Variants in MAST4 observed in about 807,000 individuals in gnomAD.
MAST4 encodes the protein microtubule associated serine/threonine kinase family member 4, also known as microtubule-associated serine/threonine-protein kinase 4.
Under a neutral mutation model 162.7 loss-of-function variants are expected in MAST4, and 89 were observed. The observed-to-expected ratio is 0.55, with a 90% CI of 0.46 to 0.65. The LOEUF (loss-of-function observed/expected upper bound fraction) is 0.65, where lower values mean the gene tolerates loss of function less well. Ranked by LOEUF, MAST4 falls within the 30% of genes least tolerant of loss-of-function variation. MAST4 has a pLI of 0.00. For synonymous variants in MAST4, 1,479 were observed against 1,361.1 expected (o/e 1.09, Z -1.91); for missense variants, 3,153 against 3,374.0 (o/e 0.93, Z 1.62).
chr5:66,923,163 T>A (rs1218727213), intron 4 of MAST4, among the ~76,000 whole-genome samples: 1 of 152,220 alleles, frequency 6.6e-6, no homozygotes, highest in African/African-American at 2.4e-5. Flanking sequence ...AGCGGATTGC[T>A]CCCCATTGTG....
chr5:66,883,420 C>CTTTT (rs1484230630), intron 3 of MAST4, among the ~76,000 whole-genome samples: 1 of 125,514 alleles, frequency 8.0e-6, no homozygotes, highest in Non-Finnish European at 1.6e-5. Context: ...TGTTCTGTCA[C>CTTTT]TGTTTTTTTT....
intron 4 of MAST4, among the ~76,000 whole-genome samples, chr5:66,954,510 A>G (rs752359266): frequency 6.6e-6 from 1 of 152,158 alleles, no homozygotes; most frequent in Non-Finnish European, 1.5e-5. Flanking sequence ...TTAAACAGCT[A>G]TAAACAACAC....
intron 2 of MAST4, among the ~76,000 whole-genome samples, chr5:66,780,674 C>G (rs258258): frequency 0.15 from 23,140 of 152,142 alleles, 2,072 homozygotes; most frequent in East Asian, 0.44. Context: ...CCTTATTTGG[C>G]CCTGCCGATG....
At chr5:66,906,656 G>A (rs565978664) in intron 4 of MAST4, among the ~76,000 whole-genome samples, 10 of 152,234 alleles carry the variant, frequency 6.6e-5, no homozygotes, top group Middle Eastern at 3.4e-3. Flanking sequence ...GCAGGTTGTC[G>A]CCCAAACTAA....
At chr5:66,599,421 G>T (rs1218944628) in intron 1 of MAST4, among the ~76,000 whole-genome samples, 3 of 152,170 alleles carry the variant, frequency 2.0e-5, no homozygotes, top group Non-Finnish European at 2.9e-5. Flanking sequence ...ACCTTGACCA[G>T]TTGTGGGATT....
At chr5:66,947,243 T>A (rs1561469232) in intron 4 of MAST4, among the ~76,000 whole-genome samples, 1 of 152,196 alleles carries the variant, frequency 6.6e-6, no homozygotes, top group Non-Finnish European at 1.5e-5. Flanking sequence ...TTTTTCTGCA[T>A]GACTTTTATG....
At chr5:66,829,633 G>A (rs1050573913) in intron 3 of MAST4, among the ~76,000 whole-genome samples, 1 of 151,960 alleles carries the variant, frequency 6.6e-6, no homozygotes, top group African/African-American at 2.4e-5. Context: ...TCTTTGTCCT[G>A]TATATAAGTG....
intron 3 of MAST4, among the ~76,000 whole-genome samples, chr5:66,867,114 T>A (rs1760585830): frequency 6.6e-6 from 1 of 152,174 alleles, no homozygotes; most frequent in South Asian, 2.1e-4. Context: ...GGCCCTCAAA[T>A]ATATGCTCCG....
At chr5:66,855,803 C>T (rs925871262) in intron 3 of MAST4, among the ~76,000 whole-genome samples, 1 of 152,116 alleles carries the variant, frequency 6.6e-6, no homozygotes, top group South Asian at 2.1e-4. Context: ...CACTTCTGGG[C>T]CTTAGTAGGC....
intron 3 of MAST4, among the ~76,000 whole-genome samples, chr5:66,824,346 C>T (rs552992236): frequency 5.9e-5 from 9 of 152,066 alleles, no homozygotes; most frequent in Non-Finnish European, 8.8e-5. Flanking sequence ...TGTCACACTC[C>T]TCTGTCACTC....
At chr5:66,949,308 T>C (rs1744396460) in intron 4 of MAST4, among the ~76,000 whole-genome samples, 1 of 152,178 alleles carries the variant, frequency 6.6e-6, no homozygotes, top group South Asian at 2.1e-4. Flanking sequence ...TGAATTGTAA[T>C]GATCCCTACA....
At chr5:66,750,465 G>A (rs1053319799) in intron 1 of MAST4, among the ~76,000 whole-genome samples, 29 of 152,240 alleles carry the variant, frequency 1.9e-4, no homozygotes, top group African/African-American at 6.8e-4. Context: ...GAAGCAGGGC[G>A]AGGCACTGCC....
At chr5:66,779,559 C>A (rs190847423) in intron 2 of MAST4, among the ~76,000 whole-genome samples, 1 of 152,254 alleles carries the variant, frequency 6.6e-6, no homozygotes, top group African/African-American at 2.4e-5. Context: ...TGGGTACGGT[C>A]ATTCTTTTGC....
chr5:66,859,767 A>G (rs1187763691), intron 3 of MAST4, among the ~76,000 whole-genome samples: 1 of 152,248 alleles, frequency 6.6e-6, no homozygotes, highest in Non-Finnish European at 1.5e-5. Context: ...GTCCATGAGC[A>G]TCTCACATCC....
chr5:66,817,755 C>T (rs1756801758), intron 3 of MAST4, among the ~76,000 whole-genome samples: 1 of 152,054 alleles, frequency 6.6e-6, no homozygotes, highest in African/African-American at 2.4e-5. Context: ...CTGTGAAACA[C>T]ATTGTGCATT....
chr5:67,043,278 C>A (rs1289484494), intron 4 of MAST4, among the ~76,000 whole-genome samples: 2 of 152,060 alleles, frequency 1.3e-5, no homozygotes, highest in African/African-American at 4.8e-5. Flanking sequence ...ATAGAGAAGG[C>A]TGAAATGGGT....
intron 1 of MAST4, among the ~76,000 whole-genome samples, chr5:66,660,258 C>T (rs1746817032): frequency 6.6e-6 from 1 of 152,146 alleles, no homozygotes; most frequent in African/African-American, 2.4e-5. Context: ...CATGCTGGTG[C>T]ATGCCTGTAA....
intron 4 of MAST4, among the ~76,000 whole-genome samples, chr5:66,947,912 T>C (rs183148637): frequency 3.7e-4 from 57 of 152,312 alleles, no homozygotes; most frequent in South Asian, 2.1e-4. Flanking sequence ...TTAATACTTA[T>C]TTAATAATCT....
intron 3 of MAST4, among the ~76,000 whole-genome samples, chr5:66,894,611 A>G (rs1019021841): frequency 6.6e-6 from 1 of 152,182 alleles, no homozygotes; most frequent in African/African-American, 2.4e-5. Flanking sequence ...TAACTCAGTC[A>G]TAGGATGAGG....
Sources: allele counts gnomAD v4.1 joint callset (sites outside exome capture counted in the v4.1 genomes callset), GRCh38; gene constraint gnomAD v4.1.1; transcripts MANE v1.5; gene names NCBI Gene and HGNC (gene_info 2026-07-23, HGNC 2026-07-21).